PRELID3A: variants seen among roughly 807,000 people sequenced by gnomAD.
PRELID3A encodes PRELI domain containing protein 3A.
PRELID3A carries 27 observed loss-of-function variants against 23.0 expected under a neutral mutation model. The observed-to-expected ratio is 1.17, with a 90% CI of 0.87 to 1.62. The LOEUF is 1.62. PRELID3A is among the 40% of genes most tolerant of loss of function. The probability of loss-of-function intolerance (pLI) is 0.00; values close to 1 mark genes in which losing one functional copy is unlikely to be tolerated. For missense variants in PRELID3A, 231 were observed against 231.4 expected (o/e 1.00, Z 0.01); for synonymous variants, 87 against 86.4 (o/e 1.01, Z -0.04).
At position 12,417,874 on chromosome 18, in the gene PRELID3A, T is replaced by C. The variant is rs140056629; in HGVS notation, c.33-2451T>C. Among the ~76,000 whole-genome samples, 48 of 152,366 alleles carry C rather than the reference T, an allele frequency of 3.2e-4. No homozygotes were observed. The East Asian group carries it at 5.4e-3, about 17-fold the overall frequency. On this transcript the variant is annotated intron_variant, in intron 1 of 6. Transcript: ENST00000440960. Reference sequence around the variant, plus strand: ...CTTCTCTTTATGTTAGCCAGTGGAATGCGTCAGCTTAGTGACACAATTGCA... The same window carrying C: ...CTTCTCTTTATGTTAGCCAGTGGAACGCGTCAGCTTAGTGACACAATTGCA...
chr18:12,408,929 TCCTAA>T (rs1457836817), intron 1 of PRELID3A, among the ~76,000 whole-genome samples: 7 of 152,134 alleles, frequency 4.6e-5, no homozygotes, highest in African/African-American at 9.7e-5. Context: ...AAAAGTGCCC[TCCTAA>T]CCTAAGTGGT....
chr18:12,408,652 C>T (rs920828359), intron 1 of PRELID3A, among the ~76,000 whole-genome samples: 1 of 151,906 alleles, frequency 6.6e-6, no homozygotes, highest in South Asian at 2.1e-4. Flanking sequence ...GAAGCCAGGC[C>T]CAGAAAGACA....
intron 1 of PRELID3A, among the ~76,000 whole-genome samples, chr18:12,408,650 G>T (rs1020263679): frequency 6.6e-6 from 1 of 152,024 alleles, no homozygotes; most frequent in African/African-American, 2.4e-5. Context: ...GTGAAGCCAG[G>T]CCCAGAAAGA....
At chr18:12,421,454 C>A in intron 2 of PRELID3A, 86 bp from the exon 3 acceptor site, 1 of 849,136 alleles carries the variant, frequency 1.2e-6, no homozygotes, top group African/African-American at 1.7e-5. Context: ...GAATAGTGAA[C>A]TAATTAGTAA....
At chr18:12,408,209 C>T (rs1330710047) in intron 1 of PRELID3A, among the ~76,000 whole-genome samples, 1 of 151,956 alleles carries the variant, frequency 6.6e-6, no homozygotes, top group East Asian at 1.9e-4. Context: ...CTGGGCGAGG[C>T]TCTGCGCCGG....
At position 12,420,320 on chromosome 18, in the gene PRELID3A, C is replaced by T. The variant is rs2030118017; in HGVS notation, c.33-5C>T. ...TGCTCACCGCCGCCTATGCTCTCCC[C>T]GCAGCCACCCGTGGGACACGGTCAT... On this transcript the variant is annotated splice_region_variant and splice_polypyrimidine_tract_variant and intron_variant, in intron 1 of 6. Transcript: ENST00000440960. 1.2e-6 allele frequency: 2 copies of T among 1,602,958 alleles called. No individual in the cohort carries two copies. Among genetic ancestry groups the T allele is most frequent in the African/African-American group, 1.3e-5 (1 of 74,930 alleles).
At chr18:12,429,091 A>G (rs1568167062) in intron 5 of PRELID3A, among the ~76,000 whole-genome samples, 1 of 152,078 alleles carries the variant, frequency 6.6e-6, no homozygotes, top group Non-Finnish European at 1.5e-5. Flanking sequence ...TTGGGAGGTG[A>G]GGGACAGGAC....
intron 3 of PRELID3A, among the ~76,000 whole-genome samples, chr18:12,424,254 G>A (rs2030285904): frequency 6.6e-6 from 1 of 152,176 alleles, no homozygotes; most frequent in Non-Finnish European, 1.5e-5. Flanking sequence ...ATGTAAAAAG[G>A]AGCAGTTTAT....
chr18:12,411,479 A>AC (rs936849665), intron 1 of PRELID3A, among the ~76,000 whole-genome samples: 4 of 151,708 alleles, frequency 2.6e-5, no homozygotes, highest in Non-Finnish European at 5.9e-5. Flanking sequence ...AAAAAAAAAA[A>AC]AAAAAAGGAC....
In PRELID3A at chr18:12,429,427, A is replaced by C. The variant is rs2030493344; in HGVS notation, c.*24A>C. 1 of 1,609,704 alleles carries C rather than the reference A, an allele frequency of 6.2e-7. No individual in the cohort carries two copies. The highest frequency in any genetic ancestry group is 8.5e-7 in the Non-Finnish European group (1 of 1,176,580). On this transcript the variant is annotated 3_prime_UTR_variant, in exon 6 of 7. Coordinates refer to ENST00000440960, the MANE Select transcript of PRELID3A (RefSeq NM_001142405.2). ...AAGGAGGCCTGTGCCTGTGCTTGTC[A>C]TAAATGGTGGTGAGTACAGTATTCA... is the stretch of plus-strand genomic sequence containing the variant.
Position 12,429,430 on chromosome 18 carries a change from A to C in PRELID3A, c.*27A>C. On this transcript the variant is annotated 3_prime_UTR_variant, in exon 6 of 7. Transcript: ENST00000440960. ...GAGGCCTGTGCCTGTGCTTGTCATA[A>C]ATGGTGGTGAGTACAGTATTCACTC... 1.9e-6 allele frequency: 3 copies of C among 1,607,074 alleles called. No individual in the cohort carries two copies. Among genetic ancestry groups the C allele is most frequent in the Non-Finnish European group, 2.6e-6 (3 of 1,174,180 alleles).
At chr18:12,420,775 C>A (rs1163872026) in intron 2 of PRELID3A, among the ~76,000 whole-genome samples, 1 of 63,636 alleles carries the variant, frequency 1.6e-5, no homozygotes, top group Non-Finnish European at 3.0e-5. Flanking sequence ...GGGGGATCTT[C>A]CTCGAGATCG....
intron 3 of PRELID3A, among the ~76,000 whole-genome samples, chr18:12,426,288 C>G (rs1278924371): frequency 2.6e-5 from 4 of 151,412 alleles, no homozygotes; most frequent in Middle Eastern, 3.2e-3. Context: ...GGTGGAGTGG[C>G]TCACGCCTGT....
At chr18:12,430,287 T>C (rs948969173) in intron 6 of PRELID3A, among the ~76,000 whole-genome samples, 1 of 151,536 alleles carries the variant, frequency 6.6e-6, no homozygotes, top group Non-Finnish European at 1.5e-5. Flanking sequence ...TGGTGTGTGC[T>C]GTGTGGTGAG....
chr18:12,422,252 G>C (rs1369094175), intron 3 of PRELID3A: 1 of 149,526 alleles, frequency 6.7e-6, no homozygotes, highest in Non-Finnish European at 1.5e-5. Context: ...ACCTAGGCTG[G>C]AGTGCAGTGG....
At chr18:12,430,708 G>C (rs2030556370) in intron 6 of PRELID3A, among the ~76,000 whole-genome samples, 1 of 149,556 alleles carries the variant, frequency 6.7e-6, no homozygotes, top group African/African-American at 2.5e-5. Flanking sequence ...GTGTGAATGT[G>C]TGTATAGTGT....
At chr18:12,429,562 T>G in intron 6 of PRELID3A, 126 bp downstream of exon 6, 1 of 593,292 alleles carries the variant, frequency 1.7e-6, no homozygotes. Context: ...CGGAGCTCCT[T>G]AGTTTTCCAC....
At chr18:12,408,817 G>C (rs890961058) in intron 1 of PRELID3A, among the ~76,000 whole-genome samples, 1 of 152,066 alleles carries the variant, frequency 6.6e-6, no homozygotes, top group African/African-American at 2.4e-5. Flanking sequence ...CACCTTCCCG[G>C]GTAATGCATA....
intron 6 of PRELID3A, 117 bp downstream of exon 6, chr18:12,429,553 G>A (rs371016378): frequency 2.1e-5 from 13 of 618,220 alleles, no homozygotes; most frequent in African/African-American, 5.6e-5. Flanking sequence ...TCTCCAGCCC[G>A]GAGCTCCTTA....
Sources: gnomAD v4.1 joint callset for allele counts (sites outside exome capture counted in the v4.1 genomes callset) on GRCh38, gnomAD v4.1.1 for gene constraint, MANE v1.5 for transcripts, NCBI Gene and HGNC (gene_info 2026-07-23, HGNC 2026-07-21) for gene names.